The following PIKFYVE variants were observed in gnomAD, a reference collection of about 807,000 sequenced individuals.
PIKFYVE encodes the protein 1-phosphatidylinositol 3-phosphate 5-kinase.
In PIKFYVE, 122 loss-of-function variants were observed where a neutral mutation model predicts 257.9. That is an observed-to-expected ratio of 0.47 (90% confidence interval 0.41 to 0.55). The LOEUF (loss-of-function observed/expected upper bound fraction) is 0.55, where lower values mean the gene tolerates loss of function less well. Among genes scored for constraint, PIKFYVE ranks in the 20% least tolerant of loss-of-function variants. PIKFYVE has a pLI of 0.00. For missense variants in PIKFYVE, 2,160 were observed against 2,536.6 expected, an observed-to-expected ratio of 0.85 and a Z score of 3.19; for synonymous variants, 892 against 868.9, an observed-to-expected ratio of 1.03 and a Z score of -0.47.
At chr2:208,340,902 C>T (rs1559158894) in intron 31 of PIKFYVE, among the ~76,000 whole-genome samples, 1 of 152,068 alleles carries the variant, frequency 6.6e-6, no homozygotes, top group African/African-American at 2.4e-5. Flanking sequence ...TATAAAAGGT[C>T]CCTTTTTTCT....
intron 37 of PIKFYVE, 48 bp downstream of exon 37, chr2:208,350,995 T>C (rs1389512325): frequency 1.2e-6 from 2 of 1,605,804 alleles, no homozygotes; most frequent in African/African-American, 2.7e-5. Flanking sequence ...TCTTCATCTC[T>C]TTACCTCAGA....
intron 32 of PIKFYVE, among the ~76,000 whole-genome samples, chr2:208,342,938 A>G (rs10208655): frequency 1 from 151,068 of 151,772 alleles, 75,188 homozygotes; most frequent in Middle Eastern, 1. Flanking sequence ...GGGACTACAG[A>G]CACACACCAC....
chr2:208,314,068 C>T (rs560769686), intron 13 of PIKFYVE, among the ~76,000 whole-genome samples: 10 of 152,272 alleles, frequency 6.6e-5, no homozygotes, highest in African/African-American at 2.4e-4. Context: ...TACTGCTCTT[C>T]TTAATTCTTG....
intron 10 of PIKFYVE, among the ~76,000 whole-genome samples, chr2:208,303,131 T>C (rs1157350626): frequency 6.6e-6 from 1 of 152,052 alleles, no homozygotes; most frequent in Non-Finnish European, 1.5e-5. Context: ...TGAATATATG[T>C]TTTTTTACTT....
rs767020622 is a variant in PIKFYVE, at chr2:208,302,225, T to C, written c.1209-17T>C. The C allele has an allele frequency of 1.4e-5, 22 of 1,610,936 alleles. No individual in the cohort carries two copies. The highest frequency in any genetic ancestry group is 6.7e-5 in the East Asian group (3 of 44,830). ...ACTGACTTTTAAAACTTTTCATTTT[T>C]GTGGGTCTTGATTCAGGGCACAAGC... On this transcript the variant is annotated splice_polypyrimidine_tract_variant and intron_variant, in intron 9 of 41. Transcript: ENST00000264380.
At chr2:208,279,674 AT>A (rs1251424852) in intron 5 of PIKFYVE, among the ~76,000 whole-genome samples, 2 of 149,490 alleles carry the variant, frequency 1.3e-5, no homozygotes, top group African/African-American at 4.9e-5. Flanking sequence ...CCTGTTGTTC[AT>A]TTTTGTTGAC....
intron 15 of PIKFYVE, among the ~76,000 whole-genome samples, chr2:208,316,512 A>G (rs1417716656): frequency 2.6e-5 from 4 of 151,834 alleles, no homozygotes; most frequent in African/African-American, 4.8e-5. Context: ...AAGTGTTCCT[A>G]TTTCTCCACA....
chr2:208,320,037 G>A (rs891688971), intron 16 of PIKFYVE, among the ~76,000 whole-genome samples: 2 of 151,940 alleles, frequency 1.3e-5, no homozygotes, highest in Non-Finnish European at 2.9e-5. Context: ...AGAAAGAAAA[G>A]CCATTTTTTG....
intron 18 of PIKFYVE, 84 bp downstream of exon 18, chr2:208,324,366 CTT>C: frequency 7.1e-7 from 1 of 1,414,620 alleles, no homozygotes; most frequent in Non-Finnish European, 9.9e-7. Context: ...ATACAAGAAT[CTT>C]TTTTTCTTTG....
intron 27 of PIKFYVE, among the ~76,000 whole-genome samples, chr2:208,336,418 G>A (rs1698144785): frequency 6.6e-6 from 1 of 152,110 alleles, no homozygotes; most frequent in South Asian, 2.1e-4. Flanking sequence ...GAGGAGAACA[G>A]CCTTTGATGC....
chr2:208,285,344 C>A (rs1277227376), intron 5 of PIKFYVE, among the ~76,000 whole-genome samples: 1 of 152,242 alleles, frequency 6.6e-6, no homozygotes, highest in Non-Finnish European at 1.5e-5. Flanking sequence ...GATCTGCCGC[C>A]TCGGCCTCCC....
chr2:208,276,665 A>G lies in PIKFYVE; in HGVS notation c.323-47A>G, dbSNP rs779297837. 15 of 1,329,926 alleles carry G rather than the reference A, an allele frequency of 1.1e-5. No individual in the cohort carries two copies. In the South Asian group the frequency reaches 1.8e-4, roughly 16 times the overall value. 82.4% of individuals were successfully genotyped at this position (1,329,926 alleles called of 1,614,324 possible). ...CACATATATACCTTGTTGTATATAGATACTAGGGACTGTTAACAAGGTTGC... is the reference window on the plus strand; with the variant it reads ...CACATATATACCTTGTTGTATATAGGTACTAGGGACTGTTAACAAGGTTGC... On this transcript the variant is annotated intron_variant, in intron 3 of 41. Transcript: ENST00000264380.
intron 32 of PIKFYVE, among the ~76,000 whole-genome samples, chr2:208,344,238 G>T (rs1699015745): frequency 6.6e-6 from 1 of 151,956 alleles, no homozygotes; most frequent in South Asian, 2.1e-4. Context: ...TTAGATGGTG[G>T]TTCCAGGGAG....
chr2:208,342,414 T>C, intron 31 of PIKFYVE, 140 bp from the exon 32 acceptor site: 7 of 651,812 alleles, frequency 1.1e-5, no homozygotes, highest in Non-Finnish European at 1.6e-5. Context: ...ATTTTCTAAT[T>C]GCCTTCAAAA....
chr2:208,331,669 C>T (rs927413286), intron 23 of PIKFYVE, among the ~76,000 whole-genome samples: 4 of 152,198 alleles, frequency 2.6e-5, no homozygotes, highest in African/African-American at 9.7e-5. Flanking sequence ...AGCCACAGCG[C>T]CTGGCCTTAA....
intron 16 of PIKFYVE, among the ~76,000 whole-genome samples, chr2:208,319,110 C>T (rs1041402671): frequency 6.6e-6 from 1 of 152,166 alleles, no homozygotes; most frequent in Non-Finnish European, 1.5e-5. Flanking sequence ...ACCCTGGCCC[C>T]ACTTCTGGGG....
intron 40 of PIKFYVE, 65 bp downstream of exon 40, chr2:208,354,224 A>T: frequency 1.3e-6 from 2 of 1,540,074 alleles, no homozygotes; most frequent in Non-Finnish European, 1.8e-6. Context: ...TAAAGATTCT[A>T]TTGAACCTGG....
chr2:208,351,738 G>C (rs913393182), intron 38 of PIKFYVE, among the ~76,000 whole-genome samples: 2 of 152,098 alleles, frequency 1.3e-5, no homozygotes, highest in African/African-American at 4.8e-5. Context: ...AGAGAGCGGG[G>C]TTGGGGGTGG....
intron 15 of PIKFYVE, among the ~76,000 whole-genome samples, chr2:208,316,788 T>C (rs1695576810): frequency 2.0e-5 from 3 of 152,186 alleles, no homozygotes; most frequent in South Asian, 2.1e-4. Flanking sequence ...AATAGAGATA[T>C]AGATCAATGG....
Sources: gnomAD v4.1 joint callset for allele counts (sites outside exome capture counted in the v4.1 genomes callset) on GRCh38, gnomAD v4.1.1 for gene constraint, MANE v1.5 for transcripts, NCBI Gene and HGNC (gene_info 2026-07-23, HGNC 2026-07-21) for gene names.